Variants in NPAS2 observed in about 807,000 individuals in gnomAD.
The protein encoded by NPAS2 is neuronal PAS domain protein 2.
A neutral mutation model predicts 107.5 loss-of-function variants in NPAS2; 23 were observed. The observed-to-expected ratio is 0.21, with a 90% CI of 0.15 to 0.30. The LOEUF is 0.30. Among genes scored for constraint, NPAS2 ranks in the 10% least tolerant of loss-of-function variants. NPAS2 has a pLI of 1.00. For synonymous variants in NPAS2, 403 were observed against 417.5 expected (o/e 0.97, Z 0.42); for missense variants, 756 against 1,043.3 (o/e 0.72, Z 3.79).
chr2:100,887,736 G>A (rs920903572), intron 1 of NPAS2, among the ~76,000 whole-genome samples: 1 of 147,602 alleles, frequency 6.8e-6, no homozygotes, highest in African/African-American at 2.5e-5. Context: ...CCTCTTACCC[G>A]GGTCCCCTGT....
At chr2:100,920,988 C>T (rs1331706878) in intron 2 of NPAS2, among the ~76,000 whole-genome samples, 3 of 152,240 alleles carry the variant, frequency 2.0e-5, no homozygotes, top group Non-Finnish European at 4.4e-5. Flanking sequence ...AAACACCAGC[C>T]TCCTGTTAGT....
intron 5 of NPAS2, among the ~76,000 whole-genome samples, chr2:100,941,992 G>C (rs368909283): frequency 1.3e-5 from 2 of 152,140 alleles, no homozygotes; most frequent in African/African-American, 4.8e-5. Context: ...TTCATTGAAC[G>C]AGGGACTGAA....
At chr2:100,957,372 A>G (rs1039888624) in intron 7 of NPAS2, among the ~76,000 whole-genome samples, 2 of 152,240 alleles carry the variant, frequency 1.3e-5, no homozygotes, top group African/African-American at 4.8e-5. Context: ...CACTGGTAGG[A>G]GCAGCCCTTT....
In NPAS2 at chr2:100,968,039, C is replaced by T. The variant is rs113715718; in HGVS notation, c.908-242C>T. On this transcript the variant is annotated intron_variant, in intron 10 of 20. Coordinates refer to ENST00000335681, the MANE Select transcript of NPAS2 (RefSeq NM_002518.4). This position sits in a 1 kb window ranked among gnomAD's most constrained non-coding sequence, Gnocchi z 5.3. ...AAAATCTGTCTGCATCTGCCCTTAT[C>T]TGAGGATCTCTTTAAGCGTCTGAGC... Among the ~76,000 whole-genome samples the T allele has an allele frequency of 9.2e-5, 14 of 152,320 alleles. No homozygotes were observed. Among genetic ancestry groups the T allele is most frequent in the African/African-American group, 2.9e-4 (12 of 41,570 alleles).
rs1678371964 is a variant in NPAS2 at position 100,995,140 on chromosome 2, C to T, written c.2293-260C>T. 13 of 454,102 alleles carry T rather than the reference C, an allele frequency of 2.9e-5. No homozygotes were observed. The East Asian group carries it at 3.6e-4, about 13-fold the overall frequency. 28.1% of individuals were successfully genotyped at this position (454,102 alleles called of 1,614,324 possible). A position where few individuals can be genotyped will look rare whatever the true frequency, so the allele number is the denominator to read the frequency against. ...AAACCATTCCCCATAGCCATAGCCA[C>T]AGGCCTCAGTCGATTGGGCCAGAAG... On this transcript the variant is annotated intron_variant, in intron 20 of 20. Transcript: ENST00000335681.
chr2:100,914,178 T>G (rs1438295196), intron 2 of NPAS2, among the ~76,000 whole-genome samples: 4 of 152,208 alleles, frequency 2.6e-5, no homozygotes, highest in Non-Finnish European at 5.9e-5. Context: ...TGGGTGTGTG[T>G]GTGACACTTT....
At chr2:100,865,532 G>A (rs753755490) in intron 1 of NPAS2, among the ~76,000 whole-genome samples, 24 of 152,144 alleles carry the variant, frequency 1.6e-4, no homozygotes, top group Non-Finnish European at 2.5e-4. Flanking sequence ...GGACACCTTT[G>A]CTCAAGTCGG....
At chr2:100,879,128 A>G (rs1002719507) in intron 1 of NPAS2, among the ~76,000 whole-genome samples, 4 of 152,152 alleles carry the variant, frequency 2.6e-5, no homozygotes, top group Admixed American at 6.5e-5. Flanking sequence ...AAAAGAAAAA[A>G]AAAAAAAGCC....
chr2:100,825,275 G>A (rs185617749), intron 1 of NPAS2, among the ~76,000 whole-genome samples: 2 of 152,208 alleles, frequency 1.3e-5, no homozygotes, highest in Admixed American at 6.5e-5. Flanking sequence ...TTAAGAGCTC[G>A]AGGTCATCTG....
rs1676029610 is a variant in NPAS2, at chr2:100,820,874, G to A, written c.-23+460G>A. On this transcript the variant is annotated intron_variant, in intron 1 of 20. Transcript: ENST00000335681. The surrounding 1 kb of genome is among the most constrained non-coding windows in gnomAD (Gnocchi z 5.6). Reference sequence around the variant, plus strand: ...AGTGCGGCGTGCGCGCCCTGGGCCCGCGGTCTCTCGGAGTCCCTGGGTCGG... The same window carrying A: ...AGTGCGGCGTGCGCGCCCTGGGCCCACGGTCTCTCGGAGTCCCTGGGTCGG... 6.6e-6 allele frequency among the ~76,000 whole-genome samples: 1 copy of A among 152,182 alleles called. No homozygotes were observed. The highest frequency in any genetic ancestry group is 1.5e-5 in the Non-Finnish European group (1 of 68,042).
At chr2:100,942,361 C>T (rs897389319) in intron 5 of NPAS2, among the ~76,000 whole-genome samples, 6 of 152,126 alleles carry the variant, frequency 3.9e-5, no homozygotes, top group Non-Finnish European at 7.4e-5. Flanking sequence ...AAGCATCCCT[C>T]TGCCCTTCCC....
At chr2:100,858,539 G>A (rs1678727801) in intron 1 of NPAS2, among the ~76,000 whole-genome samples, 1 of 152,154 alleles carries the variant, frequency 6.6e-6, no homozygotes, top group East Asian at 1.9e-4. Context: ...TTATGGGGAA[G>A]GCTGGCCTGA....
chr2:100,834,865 TTTA>T lies in NPAS2; in HGVS notation c.-23+14454_-23+14456del, dbSNP rs1676960339. Among the ~76,000 whole-genome samples, 4 of 152,026 alleles carry T rather than the reference TTTA, an allele frequency of 2.6e-5. No homozygotes were observed. In the South Asian group the frequency reaches 8.3e-4, roughly 32 times the overall value. ...ATGCGCCACCATGCCCAGCTAATTT[TTTA>T]TTTTTTATTTTAATTTTTGTATTTT... On this transcript the variant is annotated intron_variant, in intron 1 of 20. Coordinates refer to ENST00000335681, the MANE Select transcript of NPAS2 (RefSeq NM_002518.4).
chr2:100,985,030 C>G (rs1677697752), intron 16 of NPAS2: 1 of 152,246 alleles, frequency 6.6e-6, no homozygotes, highest in Admixed American at 6.5e-5. Context: ...TTTTTGAGAG[C>G]ATGCGCGCCC....
chr2:100,825,491 GA>G (rs1197633940), intron 1 of NPAS2, among the ~76,000 whole-genome samples: 3 of 151,996 alleles, frequency 2.0e-5, no homozygotes, highest in Admixed American at 6.6e-5. Flanking sequence ...CTAGTAGAAA[GA>G]AAAAAAATTC....
chr2:100,832,725 G>A (rs1553439900), intron 1 of NPAS2, among the ~76,000 whole-genome samples: 2 of 151,820 alleles, frequency 1.3e-5, no homozygotes, highest in Non-Finnish European at 1.5e-5. Flanking sequence ...CAATGGGGGT[G>A]CTAGTGCAGG....
At chr2:100,939,960 C>T (rs767180292) in intron 5 of NPAS2, among the ~76,000 whole-genome samples, 1 of 152,220 alleles carries the variant, frequency 6.6e-6, no homozygotes, top group African/African-American at 2.4e-5. Context: ...TATATATACC[C>T]ATGCCCAGAC....
intron 1 of NPAS2, among the ~76,000 whole-genome samples, chr2:100,866,428 G>A (rs2104552450): frequency 6.6e-6 from 1 of 152,288 alleles, no homozygotes; most frequent in East Asian, 1.9e-4. Context: ...GCCCAGATAT[G>A]TCCATCATGG....
At chr2:100,950,364 A>G (rs1487570923) in intron 7 of NPAS2, among the ~76,000 whole-genome samples, 1 of 152,242 alleles carries the variant, frequency 6.6e-6, no homozygotes, top group Non-Finnish European at 1.5e-5. Context: ...AAACAAAAAC[A>G]GAAAGATGAG....
Sources: allele counts gnomAD v4.1 joint callset (sites outside exome capture counted in the v4.1 genomes callset), GRCh38; gene constraint gnomAD v4.1.1; non-coding constraint Gnocchi (gnomAD v3.1); transcripts MANE v1.5; gene names NCBI Gene and HGNC (gene_info 2026-07-23, HGNC 2026-07-21).